Variants in ZP3 observed in about 807,000 individuals in gnomAD.
ZP3 encodes zona pellucida sperm-binding protein 3.
In ZP3, 21 loss-of-function variants were observed where a neutral mutation model predicts 35.6. The ratio of observed to expected loss-of-function variants is 0.59; its 90% CI spans 0.42 to 0.85. The LOEUF is 0.85. Ranked by LOEUF, ZP3 falls within the 40% of genes least tolerant of loss-of-function variation. ZP3 has a pLI of 0.00. For missense variants in ZP3, 437 were observed against 536.5 expected, an observed-to-expected ratio of 0.81 and a Z score of 1.83; for synonymous variants, 207 against 214.5, an observed-to-expected ratio of 0.96 and a Z score of 0.31.
chr7:76,441,796 G>A (rs755970932), intron 7 of ZP3, 46 bp from the exon 8 acceptor site: 15 of 1,613,548 alleles, frequency 9.3e-6, no homozygotes, highest in Admixed American at 3.3e-5. Flanking sequence ...CCCAGTTCCC[G>A]GTTAGGGACT....
In ZP3 at chr7:76,425,202, C is replaced by T; in HGVS notation, c.238C>T (p.Pro80Ser). 1 of 1,613,972 alleles carries T rather than the reference C, an allele frequency of 6.2e-7. No homozygotes were observed. Residue 80 changes from proline to serine, a missense_variant, in exon 1 of 8, where the codon CCT becomes TCT. Coordinates refer to ENST00000394857, the MANE Select transcript of ZP3 (RefSeq NM_001110354.2). ...DLTLGPEACE[P>S]LVSMDTEDVV... ...CACCTTGGGCCCAGAGGCCTGTGAG[C>T]CTCTGGTCTCCATGGACACAGAAGA...
At chr7:76,418,804 G>T (rs1056940510) in intron 1 of ZP3, among the ~76,000 whole-genome samples, 2 of 146,218 alleles carry the variant, frequency 1.4e-5, no homozygotes, top group Non-Finnish European at 3.0e-5. Context: ...TGCAATGAGC[G>T]GAGATCGCGC....
At position 76,416,823 on chromosome 7, in the gene ZP3, T is replaced by TATACAC. The variant is rs1563692692; in HGVS notation, c.-66-8226_-66-8225insCACATA. On this transcript the variant is annotated intron_variant, in intron 1 of 8. Coordinates refer to the ZP3 transcript ENST00000336517. ...CTCTCTCTCTCTCTCTCTCTATATATATATACATATACATACATATATACA... is the reference window on the plus strand; with the variant it reads ...CTCTCTCTCTCTCTCTCTCTATATATATACACATATACATATACATACATATATACA... Among the ~76,000 whole-genome samples the TATACAC allele has an allele frequency of 1.4e-4, 21 of 150,864 alleles. 1 individual carries two copies. Among genetic ancestry groups the TATACAC allele is most frequent in the South Asian group, 1.0e-3 (5 of 4,764 alleles).
At position 76,407,400 on chromosome 7, in the gene ZP3, C is replaced by T. The variant is rs554729118; in HGVS notation, c.-67+9603C>T. Among the ~76,000 whole-genome samples the T allele has an allele frequency of 5.2e-4, 79 of 151,706 alleles. 1 individual carries two copies. In the South Asian group the frequency reaches 0.016, roughly 31 times the overall value. ...AGGCTGGAGTGCAGTGGCACAATCT[C>T]GGCTCACTGCACCCTCCACCTTCCA... On this transcript the variant is annotated intron_variant, in intron 1 of 8. Coordinates refer to the ZP3 transcript ENST00000336517.
At chr7:76,429,696 G>T (rs530004895) in intron 2 of ZP3, 63 bp downstream of exon 2, 42 of 1,424,694 alleles carry the variant, frequency 2.9e-5, no homozygotes, top group Non-Finnish European at 4.1e-5. Context: ...CTGCAGGCAA[G>T]TGGGCTGGCT....
intron 5 of ZP3, among the ~76,000 whole-genome samples, chr7:76,435,935 A>G (rs1805985646): frequency 6.7e-6 from 1 of 150,238 alleles, no homozygotes; most frequent in Non-Finnish European, 1.5e-5. Flanking sequence ...CATTTTGGCC[A>G]GGCTGGTCTT....
At chr7:76,397,620 C>G in exon 1 of ZP3, 2 of 1,613,060 alleles carry the variant, frequency 1.2e-6, no homozygotes, top group Non-Finnish European at 1.7e-6. Context: ...TCGCAGTGCA[C>G]GTTGTCCAGC....
chr7:76,397,972 TC>T, intron 1 of ZP3: 2 of 872,172 alleles, frequency 2.3e-6, no homozygotes, highest in Non-Finnish European at 3.4e-6. Context: ...GCCTCCTTGG[TC>T]CAGACTGGGG....
intron 2 of ZP3, among the ~76,000 whole-genome samples, chr7:76,430,956 G>A (rs1005243359): frequency 2.0e-5 from 3 of 152,196 alleles, no homozygotes. Flanking sequence ...CCTGGGGGCT[G>A]GAGCCCAGGG....
rs765752672 is a variant in ZP3 at position 76,425,230 on chromosome 7, T to G, written c.266T>G (p.Val89Gly). The G allele has an allele frequency of 1.9e-6, 3 of 1,613,382 alleles. No homozygotes were observed. The South Asian group carries it at 3.3e-5, about 18-fold the overall frequency. The change falls in exon 1 of 8, where the codon GTG becomes GGG. Residue 89 changes from valine (V) to glycine (G), a missense_variant. This residue lies in a region of ZP3 where 352 missense variants were observed against 308.4 expected (regional missense o/e 1.14). Coordinates refer to ENST00000394857, the MANE Select transcript of ZP3 (RefSeq NM_001110354.2). ...EPLVSMDTED[V>G]VRFEVGLHEC... is the part of the protein sequence containing the mutation. ...CTGGTCTCCATGGACACAGAAGATGTGGTCAGGTTTGAGGTTGGACTCCAC... is the reference window on the plus strand; with the variant it reads ...CTGGTCTCCATGGACACAGAAGATGGGGTCAGGTTTGAGGTTGGACTCCAC...
At chr7:76,397,588 T>G in exon 1 of ZP3, 1 of 1,611,062 alleles carries the variant, frequency 6.2e-7, no homozygotes, top group Non-Finnish European at 8.5e-7. Flanking sequence ...TCTGGCAGGC[T>G]GCCAGGCGGG....
intron 1 of ZP3, among the ~76,000 whole-genome samples, chr7:76,408,541 G>A (rs1270747886): frequency 6.6e-6 from 1 of 152,142 alleles, no homozygotes; most frequent in African/African-American, 2.4e-5. Context: ...CTGGGGACAG[G>A]CAACTTCCAG....
At chr7:76,420,374 T>C (rs151289335), upstream of ZP3, among the ~76,000 whole-genome samples, 719 of 152,250 alleles carry the variant, frequency 4.7e-3, 3 homozygotes, top group Non-Finnish European at 6.2e-3. Flanking sequence ...AGCTCTTCCA[T>C]ATAAATTTTA....
intron 1 of ZP3, among the ~76,000 whole-genome samples, chr7:76,406,222 C>T (rs1345167872): frequency 1.3e-5 from 2 of 152,130 alleles, no homozygotes; most frequent in Non-Finnish European, 1.5e-5. Flanking sequence ...AGGTGATCCA[C>T]GCGCCTCAGC....
Position 76,412,948 on chromosome 7 carries a change from GTCT to G in ZP3, c.-66-12087_-66-12085del, listed in dbSNP as rs1166298027. 8.3e-3 allele frequency among the ~76,000 whole-genome samples: 1,113 copies of G among 134,874 alleles called. 51 individuals carry two copies. The Middle Eastern group carries it at 0.083, about 10-fold the overall frequency. The allele number at this position is 134,874 out of a possible 152,430, so 88.5% of individuals were successfully genotyped here. A position where few individuals can be genotyped will look rare whatever the true frequency, so the allele number is the denominator to read the frequency against. On this transcript the variant is annotated intron_variant, in intron 1 of 8. Coordinates refer to the ZP3 transcript ENST00000336517. Reference sequence around the variant, plus strand: ...CTTTCTTTTCTTTTCTTTCTTCTTTGTCTTCTTCTTCTTCTTCTTTTTTTTTTT... The same window carrying G: ...CTTTCTTTTCTTTTCTTTCTTCTTTGTCTTCTTCTTCTTCTTTTTTTTTTT...
chr7:76,420,468 T>G (rs192191355), upstream of ZP3, among the ~76,000 whole-genome samples: 13 of 152,320 alleles, frequency 8.5e-5, no homozygotes, highest in East Asian at 2.5e-3. Flanking sequence ...TTGGGAGAAT[T>G]GAAATAGTGA....
chr7:76,439,980 T>TGGGACTACAGGTACCC (rs1806146007), intron 5 of ZP3: 1 of 363,270 alleles, frequency 2.8e-6, no homozygotes, highest in Non-Finnish European at 5.1e-6. Context: ...TCCAGGTAGC[T>TGGGACTACAGGTACCC]GGGACTACAG....
intron 5 of ZP3, among the ~76,000 whole-genome samples, chr7:76,437,067 C>G (rs1318688735): frequency 6.6e-6 from 1 of 151,818 alleles, no homozygotes; most frequent in African/African-American, 2.4e-5. Flanking sequence ...ATCTGTAATC[C>G]CAGCACCTTG....
intron 1 of ZP3, among the ~76,000 whole-genome samples, chr7:76,412,987 G>A (rs1805286857): frequency 9.3e-6 from 1 of 107,136 alleles, no homozygotes; most frequent in African/African-American, 3.1e-5. Flanking sequence ...TTTTGAGACG[G>A]AGTCTTTCTC....
Sources: allele counts gnomAD v4.1 joint callset (sites outside exome capture counted in the v4.1 genomes callset), GRCh38; gene constraint gnomAD v4.1.1; regional missense constraint gnomAD v4.1.1; transcripts MANE v1.5; gene names NCBI Gene and HGNC (gene_info 2026-07-23, HGNC 2026-07-21).